KLHL12: variants seen among roughly 807,000 people sequenced by gnomAD.
KLHL12 encodes kelch-like protein 12.
KLHL12 carries 17 observed loss-of-function variants against 60.8 expected under a neutral mutation model. The observed-to-expected ratio is 0.28, with a 90% CI of 0.19 to 0.42. The LOEUF (loss-of-function observed/expected upper bound fraction) is 0.42. Ranked by LOEUF, KLHL12 falls within the 10% of genes least tolerant of loss-of-function variation. The pLI, the probability that KLHL12 is intolerant of heterozygous loss-of-function variation, is 1.00. For missense variants in KLHL12, 468 were observed against 722.3 expected (o/e 0.65, Z 4.04); for synonymous variants, 220 against 250.9 (o/e 0.88, Z 1.16).
rs561301168 is a variant in KLHL12 at position 202,909,701 on chromosome 1, G to C, written c.718-577C>G. Among the ~76,000 whole-genome samples, 4 of 152,128 alleles carry C rather than the reference G, an allele frequency of 2.6e-5. No homozygotes were observed. In the South Asian group the frequency reaches 8.3e-4, roughly 32 times the overall value. ...TGGCCTATATGAACTGTGTCAATAG[G>C]GCTTCCTATGCCTTCTAGCTTCTGG... On this transcript the variant is annotated intron_variant, in intron 5 of 11. Coordinates refer to ENST00000367261, the MANE Select transcript of KLHL12 (RefSeq NM_021633.4). This position sits in a 1 kb window ranked among gnomAD's most constrained non-coding sequence, Gnocchi z 4.1.
At chr1:202,910,209 C>T (rs1221072913) in intron 5 of KLHL12, among the ~76,000 whole-genome samples, 7 of 152,168 alleles carry the variant, frequency 4.6e-5, no homozygotes, top group African/African-American at 1.7e-4. Context: ...AAAGCTAAGG[C>T]ACAAATATAT....
rs1395645130 is a variant in KLHL12, at chr1:202,911,066, T to C, written c.705A>G (p.Val235=). Residue 235 remains valine (V), a synonymous_variant, in exon 5 of 12, where the codon GTA becomes GTG. Coordinates refer to ENST00000367261, the MANE Select transcript of KLHL12 (RefSeq NM_021633.4). The stretch of plus-strand genomic sequence containing the variant: ...TTGCACTACTTACCTCAGCATCTAT[T>C]ACATCTGTGATATACCTGGGGGTTA... The part of the protein sequence containing the change: ...PLLTPRYITD[V]IDAEPFIRCS... 6.2e-7 allele frequency: 1 copy of C among 1,613,976 alleles called. No individual in the cohort carries two copies. The highest frequency in any genetic ancestry group is 8.5e-7 in the Non-Finnish European group (1 of 1,179,966).
chr1:202,899,822 CAAA>C (rs10612618), intron 6 of KLHL12, among the ~76,000 whole-genome samples: 11 of 143,108 alleles, frequency 7.7e-5, no homozygotes, highest in South Asian at 2.3e-4. Flanking sequence ...GACTCCATCT[CAAA>C]AAAAAAAAAA....
rs757223517 is a variant in KLHL12, at chr1:202,907,869, C to T, written c.832+1141G>A. On this transcript the variant is annotated intron_variant, in intron 6 of 11. Coordinates refer to ENST00000367261, the MANE Select transcript of KLHL12 (RefSeq NM_021633.4). ...GCTGCAGTGAACCGAGATCACGCCA[C>T]TGCACTCCACCCTGGGCAACATAGT... Among the ~76,000 whole-genome samples the T allele has an allele frequency of 8.6e-5, 13 of 152,002 alleles. 1 individual carries two copies. The highest frequency in any genetic ancestry group is 4.1e-4 in the South Asian group (2 of 4,830).
chr1:202,927,935 G>C (rs182107621), upstream of KLHL12, among the ~76,000 whole-genome samples: 411 of 143,474 alleles, frequency 2.9e-3, 1 homozygote, highest in African/African-American at 0.01. Context: ...AGCCGAGATC[G>C]CGCCATTGCA....
intron 6 of KLHL12, among the ~76,000 whole-genome samples, chr1:202,897,471 G>A (rs1410342848): frequency 1.3e-5 from 2 of 151,864 alleles, no homozygotes; most frequent in East Asian, 3.9e-4. Context: ...TGATCCGCCA[G>A]CCTCGACCTC....
At chr1:202,918,500 C>T (rs1660591469) in intron 3 of KLHL12, 112 bp from the exon 4 acceptor site, 1 of 798,440 alleles carries the variant, frequency 1.3e-6, no homozygotes, top group African/African-American at 1.7e-5. Flanking sequence ...ACCCTTGTTT[C>T]AACACCTAAG....
At chr1:202,928,085 T>C (rs1412124188), upstream of KLHL12, among the ~76,000 whole-genome samples, 2 of 150,774 alleles carry the variant, frequency 1.3e-5, no homozygotes, top group African/African-American at 2.4e-5. Flanking sequence ...CGATTCTGGC[T>C]AACACGGTGA....
chr1:202,906,806 T>C (rs2102427275), intron 6 of KLHL12, among the ~76,000 whole-genome samples: 1 of 152,098 alleles, frequency 6.6e-6, no homozygotes, highest in South Asian at 2.1e-4. Flanking sequence ...GGATTACAGG[T>C]GTGCACCACC....
chr1:202,915,962 T>C (rs1660509610), intron 4 of KLHL12, among the ~76,000 whole-genome samples: 1 of 152,262 alleles, frequency 6.6e-6, no homozygotes, highest in Non-Finnish European at 1.5e-5. Context: ...AAATGCTGAA[T>C]AAGTATTAGC....
At chr1:202,919,696 A>G in intron 3 of KLHL12, 59 bp downstream of exon 3, 2 of 1,501,742 alleles carry the variant, frequency 1.3e-6, no homozygotes, top group Non-Finnish European at 1.8e-6. Flanking sequence ...TACACTATTA[A>G]TTTTCAACCT....
intron 6 of KLHL12, among the ~76,000 whole-genome samples, chr1:202,907,480 T>C (rs1354832092): frequency 6.6e-6 from 1 of 151,342 alleles, no homozygotes; most frequent in African/African-American, 2.4e-5. Context: ...CAGTCGCCTG[T>C]TGTCCCAGCT....
intron 11 of KLHL12, 132 bp from the exon 12 acceptor site, chr1:202,892,791 G>C: frequency 1.2e-6 from 1 of 831,654 alleles, no homozygotes; most frequent in East Asian, 2.7e-5. Flanking sequence ...GACCAGCCTG[G>C]GCAACATGGT....
At chr1:202,901,677 C>G (rs1040059395) in intron 6 of KLHL12, among the ~76,000 whole-genome samples, 1 of 152,052 alleles carries the variant, frequency 6.6e-6, no homozygotes, top group East Asian at 1.9e-4. Context: ...GTGAAGGACT[C>G]TCTTCATTAT....
Position 202,895,437 on chromosome 1 carries a change from T to C in KLHL12, c.1135+85A>G. ...ACCTTAATTTTTTCTCCGTATTTCA[T>C]GCTCCTGCCAGACAACAGGAGAGGT... On this transcript the variant is annotated intron_variant, in intron 8 of 11. Transcript: ENST00000367261. This position sits in a 1 kb window ranked among gnomAD's most constrained non-coding sequence, Gnocchi z 4.2. The C allele has an allele frequency of 8.7e-7, 1 of 1,154,394 alleles. No individual in the cohort carries two copies. The highest frequency in any genetic ancestry group is 2.4e-5 in the East Asian group (1 of 42,472). The allele number at this position is 1,154,394 out of a possible 1,614,324, so 71.5% of individuals were successfully genotyped here.
chr1:202,897,241 T>C (rs147899668), intron 6 of KLHL12, among the ~76,000 whole-genome samples: 1 of 146,574 alleles, frequency 6.8e-6, no homozygotes, highest in African/African-American at 2.5e-5. Context: ...TTTTTTTTTT[T>C]TTTTTTTTTT....
intron 3 of KLHL12, among the ~76,000 whole-genome samples, chr1:202,919,373 T>C (rs1046019289): frequency 1.3e-5 from 2 of 152,238 alleles, no homozygotes; most frequent in East Asian, 1.9e-4. Context: ...CTTAATGAAA[T>C]ACTACCACTT....
In KLHL12 at chr1:202,917,007, T is replaced by C. The variant is rs576534286; in HGVS notation, c.567+1164A>G. ...AAAAAAAATTAAAGAATTGGACCAC[T>C]GGAGATCAATACTATGGGCTTCAAA... On this transcript the variant is annotated intron_variant, in intron 4 of 11. Transcript: ENST00000367261. Among the ~76,000 whole-genome samples the C allele has an allele frequency of 3.6e-4, 55 of 151,338 alleles. No individual in the cohort carries two copies. In the South Asian group the frequency reaches 0.011, roughly 31 times the overall value.
chr1:202,919,403 A>G (rs1398800837), intron 3 of KLHL12, among the ~76,000 whole-genome samples: 1 of 152,228 alleles, frequency 6.6e-6, no homozygotes, highest in Non-Finnish European at 1.5e-5. Flanking sequence ...ATAGATAAAG[A>G]GTATCCATGT....
Sources: allele counts gnomAD v4.1 joint callset (sites outside exome capture counted in the v4.1 genomes callset), GRCh38; gene constraint gnomAD v4.1.1; non-coding constraint Gnocchi (gnomAD v3.1); transcripts MANE v1.5; gene names NCBI Gene and HGNC (gene_info 2026-07-23, HGNC 2026-07-21).